Variants in UBAP2 observed in about 807,000 individuals in gnomAD.
UBAP2 encodes the protein ubiquitin-associated protein 2.
In UBAP2, 75 loss-of-function variants were observed where a neutral mutation model predicts 139.6. The observed-to-expected ratio is 0.54, with a 90% CI of 0.45 to 0.65. The LOEUF is 0.65. UBAP2 is among the 30% of genes least tolerant of loss of function. The pLI is 0.00. For synonymous variants in UBAP2, 526 were observed against 526.2 expected, an observed-to-expected ratio of 1.00 and a Z score of 0.01; for missense variants, 1,368 against 1,369.6, an observed-to-expected ratio of 1.00 and a Z score of 0.02.
intron 1 of UBAP2, among the ~76,000 whole-genome samples, chr9:34,020,164 A>C (rs911973206): frequency 6.6e-6 from 1 of 151,386 alleles, no homozygotes; most frequent in African/African-American, 2.4e-5. Flanking sequence ...AAAAAAAAAA[A>C]AAAAAAACTA....
intron 18 of UBAP2, among the ~76,000 whole-genome samples, chr9:33,933,195 G>C (rs1485058335): frequency 2.0e-5 from 3 of 152,180 alleles, no homozygotes; most frequent in Non-Finnish European, 4.4e-5. Context: ...AGAGAGGCTA[G>C]GCTCAGGCAC....
intron 1 of UBAP2, among the ~76,000 whole-genome samples, chr9:34,032,521 C>A (rs1274981641): frequency 7.2e-5 from 11 of 152,108 alleles, no homozygotes; most frequent in Admixed American, 7.2e-4. Context: ...AGGAAGATAT[C>A]AAAATATAGG....
intron 16 of UBAP2, among the ~76,000 whole-genome samples, chr9:33,938,563 AAGGC>A (rs1394288337): frequency 6.6e-6 from 1 of 152,080 alleles, no homozygotes; most frequent in Non-Finnish European, 1.5e-5. Flanking sequence ...TTGGGAGGCC[AAGGC>A]AGGCAGATCA....
At position 33,923,806 on chromosome 9, in the gene UBAP2, G is replaced by A. The variant is rs771069717; in HGVS notation, c.2785C>T (p.Pro929Ser). ...TCTGAAATACTCACAAACATGGTGG[G>A]GCCATACTGGAAGGCACTGGGCATG... ...TGMPSAFQYG[P>S]TMFVPPASAK... Residue 929 changes from proline to serine, a missense_variant, in exon 24 of 29, where the codon CCC (proline) becomes TCC (serine). Physicochemically the swap from Pro to Ser is moderately conservative, Grantham distance 74. Coordinates refer to ENST00000379238, the MANE Select transcript of UBAP2 (RefSeq NM_001370062.2). The A allele has an allele frequency of 3.7e-6, 6 of 1,614,038 alleles. No homozygotes were observed. The African/African-American group carries it at 8.0e-5, about 22-fold the overall frequency.
chr9:34,044,126 G>A (rs189765723), intron 1 of UBAP2, among the ~76,000 whole-genome samples: 24 of 145,188 alleles, frequency 1.7e-4, no homozygotes, highest in Admixed American at 8.3e-4. Flanking sequence ...AGCCGGGCGC[G>A]GTGACTCACG....
chr9:34,047,943 G>A (rs1827754651), intron 1 of UBAP2, among the ~76,000 whole-genome samples: 1 of 152,170 alleles, frequency 6.6e-6, no homozygotes, highest in South Asian at 2.1e-4. Context: ...ATATCCAATA[G>A]AAGTGGTAGT....
chr9:33,956,550 A>G (rs1286757261), intron 10 of UBAP2, among the ~76,000 whole-genome samples: 1 of 152,048 alleles, frequency 6.6e-6, no homozygotes, highest in Non-Finnish European at 1.5e-5. Context: ...GATAATCTCC[A>G]ATTCCTGGCC....
At chr9:34,037,007 TTGA>T (rs1826475892) in intron 1 of UBAP2, among the ~76,000 whole-genome samples, 2 of 120,130 alleles carry the variant, frequency 1.7e-5, no homozygotes, top group Admixed American at 1.7e-4. Flanking sequence ...TTTTTTTTTT[TTGA>T]GAGAGTCTCG....
chr9:33,995,488 T>A (rs1471609031), intron 4 of UBAP2: 1 of 135,094 alleles, frequency 7.4e-6, no homozygotes, highest in Non-Finnish European at 1.5e-5. Flanking sequence ...TATATTTATA[T>A]TATTAAATAT....
chr9:33,974,152 T>A (rs1218734130), intron 6 of UBAP2, among the ~76,000 whole-genome samples: 2 of 152,146 alleles, frequency 1.3e-5, no homozygotes, highest in African/African-American at 4.8e-5. Flanking sequence ...ATCAAACCAC[T>A]GTATGCAAGC....
intron 16 of UBAP2, 42 bp from the exon 17 acceptor site, chr9:33,935,920 G>A: frequency 6.3e-7 from 1 of 1,589,926 alleles, no homozygotes; most frequent in Non-Finnish European, 8.6e-7. Flanking sequence ...CTTACAAAAT[G>A]AAATCATTAC....
chr9:34,042,963 G>A (rs900948062), intron 1 of UBAP2, among the ~76,000 whole-genome samples: 3 of 151,896 alleles, frequency 2.0e-5, no homozygotes, highest in African/African-American at 7.3e-5. Flanking sequence ...AGCTACTCAG[G>A]AGGCTGAGGT....
Position 33,975,564 on chromosome 9 carries a change from C to T in UBAP2, c.521-2327G>A, listed in dbSNP as rs574430922. Among the ~76,000 whole-genome samples, 296 of 151,704 alleles carry T rather than the reference C, an allele frequency of 2.0e-3. 2 individuals carry two copies. The highest frequency in any genetic ancestry group is 6.8e-3 in the African/African-American group (280 of 41,396). The stretch of plus-strand genomic sequence containing the variant: ...CTGTAATCCCAGCACTTTGGGAGGC[C>T]GAGACGGACGGATCACAAGGTCAGG... On this transcript the variant is annotated intron_variant, in intron 6 of 28. Coordinates refer to ENST00000379238, the MANE Select transcript of UBAP2 (RefSeq NM_001370062.2).
intron 26 of UBAP2, 71 bp from the exon 27 acceptor site, chr9:33,923,104 C>T: frequency 1.2e-6 from 2 of 1,612,920 alleles, no homozygotes; most frequent in Admixed American, 1.7e-5. Context: ...CAGGATCACT[C>T]AGGGGTTGCC....
At chr9:33,986,937 G>A in intron 5 of UBAP2, 100 bp from the exon 6 acceptor site, 1 of 1,043,106 alleles carries the variant, frequency 9.6e-7, no homozygotes, top group East Asian at 2.4e-5. Context: ...ATGACAAACA[G>A]GCTACAATTT....
At chr9:34,002,870 T>C (rs989186374) in intron 2 of UBAP2, among the ~76,000 whole-genome samples, 3 of 151,884 alleles carry the variant, frequency 2.0e-5, no homozygotes, top group Non-Finnish European at 4.4e-5. Context: ...TTGTTTTTAG[T>C]ACAAACAAGG....
At position 33,936,084 on chromosome 9, in the gene UBAP2, G is replaced by C. The variant is rs554207635; in HGVS notation, c.1930-206C>G. The stretch of plus-strand genomic sequence containing the variant: ...ATTTTTTTTCACATCCCCAGGTTCA[G>C]GTGATCCTCCCCCTTAGCCTGCCTA... On this transcript the variant is annotated intron_variant, in intron 16 of 28. Coordinates refer to ENST00000379238, the MANE Select transcript of UBAP2 (RefSeq NM_001370062.2). 2.0e-5 allele frequency among the ~76,000 whole-genome samples: 3 copies of C among 152,146 alleles called. No individual in the cohort carries two copies. In the Middle Eastern group the frequency reaches 0.01, roughly 518 times the overall value.
chr9:33,929,951 C>T (rs1156456356), intron 19 of UBAP2, among the ~76,000 whole-genome samples: 1 of 152,128 alleles, frequency 6.6e-6, no homozygotes, highest in Admixed American at 6.5e-5. Context: ...TTGCACTAAG[C>T]TGAGATCATG....
chr9:34,017,260 G>A, intron 1 of UBAP2, 71 bp from the exon 2 acceptor site: 1 of 610,164 alleles, frequency 1.6e-6, no homozygotes, highest in Non-Finnish European at 2.6e-6. Context: ...GAGAAAACAA[G>A]GACACTTACA....
Sources: gnomAD v4.1 joint callset for allele counts (sites outside exome capture counted in the v4.1 genomes callset) on GRCh38, gnomAD v4.1.1 for gene constraint, MANE v1.5 for transcripts, NCBI Gene and HGNC (gene_info 2026-07-23, HGNC 2026-07-21) for gene names.